TNFRSF1B: variants seen among roughly 807,000 people sequenced by gnomAD.
TNFRSF1B encodes the protein TNF receptor superfamily member 1B.
Under a neutral mutation model 44.6 loss-of-function variants are expected in TNFRSF1B, and 19 were observed. The observed-to-expected ratio is 0.43, with a 90% confidence interval of 0.30 to 0.62. TNFRSF1B has a LOEUF of 0.62. TNFRSF1B is among the 20% of genes least tolerant of loss of function. The probability of loss-of-function intolerance (pLI) is 0.16; values close to 1 mark genes in which losing one functional copy is unlikely to be tolerated. For synonymous variants in TNFRSF1B, 252 were observed against 261.1 expected (o/e 0.97, Z 0.34); for missense variants, 541 against 619.9 (o/e 0.87, Z 1.35).
chr1:12,169,625 C>CA lies in TNFRSF1B; in HGVS notation c.78+2457dup, dbSNP rs1638477062. On this transcript the variant is annotated intron_variant, in intron 1 of 9. Coordinates refer to ENST00000376259, the MANE Select transcript of TNFRSF1B (RefSeq NM_001066.3). This position sits in a 1 kb window ranked among gnomAD's most constrained non-coding sequence, Gnocchi z 4.5. ...TCAACTGAGCTGCAGAAGAAGCCCC[C>CA]AGGAGACCTGAGCTAGCCATGGACG... 1.3e-5 allele frequency among the ~76,000 whole-genome samples: 2 copies of CA among 152,262 alleles called. No homozygotes were observed. The highest frequency in any genetic ancestry group is 6.5e-5 in the Admixed American group (1 of 15,292).
At chr1:12,183,740 T>TCTAG (rs1553163455) in intron 1 of TNFRSF1B, among the ~76,000 whole-genome samples, 7 of 131,088 alleles carry the variant, frequency 5.3e-5, no homozygotes, top group African/African-American at 1.9e-4. Context: ...TATCTATCTA[T>TCTAG]CTATCTATCT....
chr1:12,175,113 G>T (rs1046488428), intron 1 of TNFRSF1B, among the ~76,000 whole-genome samples: 105 of 152,290 alleles, frequency 6.9e-4, no homozygotes, highest in African/African-American at 2.2e-3. Flanking sequence ...TGGACAGGGA[G>T]GGGGGAGGAC....
rs1321279323 is a variant in TNFRSF1B, at chr1:12,207,206, C to T, written c.*186C>T. On this transcript the variant is annotated 3_prime_UTR_variant, in exon 10 of 10. Coordinates refer to ENST00000376259, the MANE Select transcript of TNFRSF1B (RefSeq NM_001066.3). ...ACCTGCAGGCCAAGAGCAGAGGCAG[C>T]GAGTTGTGGAAAGCCTCTGCTGCCA... The T allele has an allele frequency of 1.1e-5, 6 of 568,296 alleles. No homozygotes were observed. Among genetic ancestry groups the T allele is most frequent in the Non-Finnish European group, 1.4e-5 (5 of 351,648 alleles). The allele number at this position is 568,296 out of a possible 1,614,324, so 35.2% of individuals were successfully genotyped here. A position where few individuals can be genotyped will look rare whatever the true frequency, so the allele number is the denominator to read the frequency against.
At chr1:12,192,591 A>G (rs1639170513) in intron 5 of TNFRSF1B, 67 bp downstream of exon 5, 3 of 1,471,918 alleles carry the variant, frequency 2.0e-6, no homozygotes, top group Non-Finnish European at 1.9e-6. Context: ...CTGTGGGTCC[A>G]GGACACAGAG....
At chr1:12,174,235 T>TCTCCTTCTC (rs1638598886) in intron 1 of TNFRSF1B, among the ~76,000 whole-genome samples, 1 of 145,162 alleles carries the variant, frequency 6.9e-6, no homozygotes, top group Non-Finnish European at 1.5e-5. Flanking sequence ...TCCTTCTCCT[T>TCTCCTTCTC]CTCCTTCTCC....
rs540409999 is a variant in TNFRSF1B, at chr1:12,202,140, C to T, written c.1074C>T (p.Ala358=). The T allele has an allele frequency of 4.0e-5, 62 of 1,554,124 alleles. No individual in the cohort carries two copies. The South Asian group carries it at 5.0e-4, about 12-fold the overall frequency. The change falls in exon 9 of 10, where the codon GCC becomes GCT. Residue 358 remains alanine (A), a synonymous_variant. Coordinates refer to ENST00000376259, the MANE Select transcript of TNFRSF1B (RefSeq NM_001066.3). The stretch of plus-strand genomic sequence containing the variant: ...CACCAGGCGTGGAGGCCAGTGGGGC[C>T]GGGGAGGCCCGGGCCAGCACCGGGA... ...PQAPGVEASG[A]GEARASTGSS...
At chr1:12,190,416 G>A (rs1393794363) in intron 2 of TNFRSF1B, among the ~76,000 whole-genome samples, 2 of 140,226 alleles carry the variant, frequency 1.4e-5, no homozygotes, top group African/African-American at 5.3e-5. Context: ...CCGAGATTGT[G>A]CCACTGCACT....
In TNFRSF1B at chr1:12,171,912, G is replaced by A. The variant is rs1638531617; in HGVS notation, c.78+4743G>A. Among the ~76,000 whole-genome samples, 2 of 152,214 alleles carry A rather than the reference G, an allele frequency of 1.3e-5. No individual in the cohort carries two copies. The highest frequency in any genetic ancestry group is 2.9e-5 in the Non-Finnish European group (2 of 68,026). ...TGACCTTGACCTTGATAATGGCCCT[G>A]TTTTACAGATGAGACGGGGGTTTGA... On this transcript the variant is annotated intron_variant, in intron 1 of 9. Transcript: ENST00000376259. This position sits in a 1 kb window ranked among gnomAD's most constrained non-coding sequence, Gnocchi z 4.5.
intron 6 of TNFRSF1B, among the ~76,000 whole-genome samples, chr1:12,193,364 C>A (rs929947985): frequency 1.3e-5 from 2 of 152,140 alleles, no homozygotes; most frequent in Non-Finnish European, 2.9e-5. Flanking sequence ...TTGCTTGAGG[C>A]TAAGAGTTTG....
At chr1:12,185,958 G>C (rs1167884858) in intron 1 of TNFRSF1B, among the ~76,000 whole-genome samples, 1 of 152,216 alleles carries the variant, frequency 6.6e-6, no homozygotes, top group African/African-American at 2.4e-5. Context: ...CTTCAGGGTG[G>C]GGTGCGGGCA....
Position 12,167,129 on chromosome 1 carries a change from G to C in TNFRSF1B, c.38G>C (p.Gly13Ala). The change falls in exon 1 of 10, where the codon GGA becomes GCA. Residue 13 changes from glycine to alanine, a missense_variant. Transcript: ENST00000376259. ...PVAVWAALAV[G>A]LELWAAAHAL... is the part of the protein sequence containing the mutation. ...GCCGTCTGGGCCGCGCTGGCCGTCG[G>C]ACTGGAGCTCTGGGCTGCGGCGCAC... is the stretch of plus-strand genomic sequence containing the variant. 2 of 1,357,636 alleles carry C rather than the reference G, an allele frequency of 1.5e-6. No individual in the cohort carries two copies. The highest frequency in any genetic ancestry group is 1.9e-6 in the Non-Finnish European group (2 of 1,050,406). 84.1% of individuals were successfully genotyped at this position (1,357,636 alleles called of 1,614,324 possible).
intron 1 of TNFRSF1B, among the ~76,000 whole-genome samples, chr1:12,172,921 G>A (rs1295000910): frequency 6.6e-6 from 1 of 152,186 alleles, no homozygotes; most frequent in Non-Finnish European, 1.5e-5. Flanking sequence ...AAGATTCCAG[G>A]CCATCTCCAA....
At chr1:12,173,949 G>T (rs1190117447) in intron 1 of TNFRSF1B, among the ~76,000 whole-genome samples, 1 of 152,138 alleles carries the variant, frequency 6.6e-6, no homozygotes, top group Non-Finnish European at 1.5e-5. Context: ...GTTCGCTGAT[G>T]GGGGGTTGGA....
intron 5 of TNFRSF1B, 40 bp from the exon 6 acceptor site, chr1:12,192,823 G>A (rs765420868): frequency 4.2e-5 from 65 of 1,560,280 alleles, no homozygotes; most frequent in Non-Finnish European, 5.2e-5. Context: ...CAGCCACTCT[G>A]TCCCCTGCTG....
chr1:12,206,543 C>T (rs1372610922), intron 9 of TNFRSF1B, among the ~76,000 whole-genome samples, 197 bp from the exon 10 acceptor site: 6 of 152,060 alleles, frequency 3.9e-5, no homozygotes, highest in South Asian at 2.1e-4. Flanking sequence ...TATTCTTATT[C>T]GGCAGAGGGG....
chr1:12,177,222 G>A lies in TNFRSF1B; in HGVS notation c.78+10053G>A, dbSNP rs1299323648. On this transcript the variant is annotated intron_variant, in intron 1 of 9. Transcript: ENST00000376259. This position sits in a 1 kb window ranked among gnomAD's most constrained non-coding sequence, Gnocchi z 4.3. ...GTGTTTCGCCATGTTGGCCCGGCTG[G>A]TCTTGAACTCCTGACCTCAGGTGAT... Among the ~76,000 whole-genome samples, 1 of 152,136 alleles carries A rather than the reference G, an allele frequency of 6.6e-6. No individual in the cohort carries two copies. Among genetic ancestry groups the A allele is most frequent in the African/African-American group, 2.4e-5 (1 of 41,436 alleles).
rs910872050 is a variant in TNFRSF1B at position 12,208,666 on chromosome 1, C to T, written c.*1646C>T. On this transcript the variant is annotated 3_prime_UTR_variant, in exon 10 of 10. Coordinates refer to ENST00000376259, the MANE Select transcript of TNFRSF1B (RefSeq NM_001066.3). ...GATAAAGGAGAAGGCATGAAATTGT[C>T]TAGCAGAGCAGGGGCAGGGTGATAA... 1.3e-5 allele frequency: 2 copies of T among 152,316 alleles called. No homozygotes were observed. The highest frequency in any genetic ancestry group is 2.9e-5 in the Non-Finnish European group (2 of 68,086). 9.4% of individuals were successfully genotyped at this position (152,316 alleles called of 1,614,324 possible).
chr1:12,191,512 G>C (rs956098644), intron 3 of TNFRSF1B, among the ~76,000 whole-genome samples: 4 of 151,712 alleles, frequency 2.6e-5, no homozygotes, highest in South Asian at 2.1e-4. Flanking sequence ...GGGAGGAGCG[G>C]GACTGCGGGG....
rs1639000240 is a variant in TNFRSF1B at position 12,186,917 on chromosome 1, G to T, written c.79-1879G>T. 2.0e-5 allele frequency among the ~76,000 whole-genome samples: 3 copies of T among 152,308 alleles called. No individual in the cohort carries two copies. The highest frequency in any genetic ancestry group is 3.4e-3 in the Middle Eastern group (1 of 294). The stretch of plus-strand genomic sequence containing the variant: ...TGAGCTTGCTCTCAGCCTGGTAGAG[G>T]TGGCTAATTAATGCTTGTCCCTGAA... On this transcript the variant is annotated intron_variant, in intron 1 of 9. Coordinates refer to ENST00000376259, the MANE Select transcript of TNFRSF1B (RefSeq NM_001066.3). The surrounding 1 kb of genome is among the most constrained non-coding windows in gnomAD (Gnocchi z 4.8).
Sources: allele counts gnomAD v4.1 joint callset (sites outside exome capture counted in the v4.1 genomes callset), GRCh38; gene constraint gnomAD v4.1.1; non-coding constraint Gnocchi (gnomAD v3.1); transcripts MANE v1.5; gene names NCBI Gene and HGNC (gene_info 2026-07-23, HGNC 2026-07-21).